Variants in BRF1 observed in about 807,000 individuals in gnomAD.
BRF1 encodes the protein transcription factor IIIB 90 kDa subunit.
A neutral mutation model predicts 81.7 loss-of-function variants in BRF1; 59 were observed. That is an observed-to-expected ratio of 0.72 (90% CI 0.59 to 0.90). The LOEUF is 0.90. BRF1 is among the 40% of genes least tolerant of loss of function. The pLI is 0.00. For synonymous variants in BRF1, 491 were observed against 395.6 expected, an observed-to-expected ratio of 1.24 and a Z score of -2.86; for missense variants, 1,050 against 936.3, an observed-to-expected ratio of 1.12 and a Z score of -1.58.
At chr14:105,300,110 T>C (rs587706113) in intron 1 of BRF1, among the ~76,000 whole-genome samples, 1 of 152,312 alleles carries the variant, frequency 6.6e-6, no homozygotes, top group East Asian at 1.9e-4. Context: ...GTACCAGACA[T>C]TGCTGAAAAC....
intron 4 of BRF1, among the ~76,000 whole-genome samples, chr14:105,252,929 G>A (rs2055689705): frequency 6.6e-6 from 1 of 152,192 alleles, no homozygotes; most frequent in Admixed American, 6.5e-5. Flanking sequence ...CTGTCCACAT[G>A]TGCTCCCACC....
intron 15 of BRF1, among the ~76,000 whole-genome samples, chr14:105,216,325 A>T (rs1891300499): frequency 6.6e-6 from 1 of 152,174 alleles, no homozygotes; most frequent in African/African-American, 2.4e-5. Context: ...GGCAGAGGAC[A>T]CGGAGACTAA....
chr14:105,266,708 T>C (rs1462392265), intron 3 of BRF1, among the ~76,000 whole-genome samples: 1 of 151,954 alleles, frequency 6.6e-6, no homozygotes, highest in East Asian at 1.9e-4. Context: ...GTCCTCGGCA[T>C]ACAAAAGGCA....
At chr14:105,229,185 G>A (rs1173258572) in intron 6 of BRF1, among the ~76,000 whole-genome samples, 2 of 152,210 alleles carry the variant, frequency 1.3e-5, no homozygotes, top group Admixed American at 6.5e-5. Flanking sequence ...ATCCCTCAAA[G>A]CAAACAAACT....
chr14:105,288,414 T>C (rs1439993210), intron 1 of BRF1, among the ~76,000 whole-genome samples: 1 of 151,564 alleles, frequency 6.6e-6, no homozygotes, highest in Non-Finnish European at 1.5e-5. Context: ...ATGGTGCCAC[T>C]GCACTCCAGC....
intron 10 of BRF1, among the ~76,000 whole-genome samples, chr14:105,224,298 G>T (rs1230764403): frequency 6.6e-6 from 1 of 152,192 alleles, no homozygotes. Context: ...CAAACTACAG[G>T]GTAGAGGTTG....
chr14:105,229,402 G>C (rs1412850306), intron 6 of BRF1, among the ~76,000 whole-genome samples: 3 of 152,236 alleles, frequency 2.0e-5, no homozygotes, highest in African/African-American at 4.8e-5. Context: ...ACTGAATCCT[G>C]CAGCGCAGGG....
At chr14:105,272,942 A>G (rs2056722504) in intron 2 of BRF1, 48 bp from the exon 3 acceptor site, 3 of 1,522,766 alleles carry the variant, frequency 2.0e-6, no homozygotes, top group Admixed American at 2.0e-5. Flanking sequence ...CCCACAGAAC[A>G]TGAAAAGTAT....
intron 1 of BRF1, among the ~76,000 whole-genome samples, 178 bp downstream of exon 1, chr14:105,300,268 C>A (rs2057947893): frequency 6.6e-6 from 1 of 152,200 alleles, no homozygotes; most frequent in South Asian, 2.1e-4. Context: ...TCCACAGGCG[C>A]GCGAAGAAGG....
intron 5 of BRF1, among the ~76,000 whole-genome samples, chr14:105,244,955 A>C (rs1019098493): frequency 3.3e-5 from 5 of 152,150 alleles, no homozygotes; most frequent in African/African-American, 1.2e-4. Flanking sequence ...TGCAAAAAAA[A>C]AAAAACTAAA....
chr14:105,283,568 T>C (rs756527236), intron 2 of BRF1, among the ~76,000 whole-genome samples: 21 of 152,360 alleles, frequency 1.4e-4, no homozygotes, highest in Non-Finnish European at 2.5e-4. Flanking sequence ...GCATGTATGT[T>C]CCAATTTTCA....
At chr14:105,282,799 G>A (rs1028138654) in intron 2 of BRF1, among the ~76,000 whole-genome samples, 8 of 152,112 alleles carry the variant, frequency 5.3e-5, no homozygotes, top group Non-Finnish European at 1.5e-5. Flanking sequence ...CGGGCGTGAT[G>A]GTGGGCACTT....
chr14:105,256,635 A>C, intron 3 of BRF1, 86 bp from the exon 4 acceptor site: 1 of 1,555,650 alleles, frequency 6.4e-7, no homozygotes, highest in Non-Finnish European at 8.7e-7. Flanking sequence ...GCAGGACTGC[A>C]CCTGCAGGGA....
At chr14:105,254,750 C>G (rs587651766) in intron 4 of BRF1, among the ~76,000 whole-genome samples, 1 of 151,556 alleles carries the variant, frequency 6.6e-6, no homozygotes, top group Non-Finnish European at 1.5e-5. Flanking sequence ...TTAGTAGAGA[C>G]GGGGTTTCAC....
intron 1 of BRF1, chr14:105,314,963 G>T: frequency 1.7e-6 from 2 of 1,202,372 alleles, no homozygotes; most frequent in Non-Finnish European, 2.1e-6. Flanking sequence ...CGCCCGGCGC[G>T]CTCAACACGC....
intron 6 of BRF1, 92 bp downstream of exon 6, chr14:105,241,173 C>G (rs970310945): frequency 1.3e-6 from 2 of 1,549,092 alleles, no homozygotes; most frequent in Non-Finnish European, 8.7e-7. Flanking sequence ...GCTCTGCAAA[C>G]ATACGGCCCA....
chr14:105,223,154 T>C (rs1467509609), intron 10 of BRF1, among the ~76,000 whole-genome samples: 5 of 152,050 alleles, frequency 3.3e-5, no homozygotes, highest in Non-Finnish European at 7.4e-5. Context: ...GATGGAACTA[T>C]TGCACTCCAC....
At chr14:105,228,684 C>T (rs369162162) in intron 7 of BRF1, 136 bp downstream of exon 7, 4 of 935,574 alleles carry the variant, frequency 4.3e-6, no homozygotes, top group East Asian at 2.4e-5. Flanking sequence ...GTGACCGGGG[C>T]TGGGCTAGGT....
intron 2 of BRF1, among the ~76,000 whole-genome samples, chr14:105,280,460 C>T (rs11850884): frequency 0.01 from 1,540 of 152,360 alleles, 29 homozygotes; most frequent in African/African-American, 0.036. Flanking sequence ...CCCGTCACTA[C>T]GCATTCATCT....
Sources: gnomAD v4.1 joint callset for allele counts (sites outside exome capture counted in the v4.1 genomes callset) on GRCh38, gnomAD v4.1.1 for gene constraint, MANE v1.5 for transcripts, NCBI Gene and HGNC (gene_info 2026-07-23, HGNC 2026-07-21) for gene names.